Variants in KAT6A observed in about 807,000 individuals in gnomAD.
The protein encoded by KAT6A is lysine acetyltransferase 6A.
A neutral mutation model predicts 198.4 loss-of-function variants in KAT6A; 9 were observed. That is an observed-to-expected ratio of 0.05 (90% CI 0.03 to 0.08). The LOEUF (loss-of-function observed/expected upper bound fraction) is 0.08. Among genes scored for constraint, KAT6A ranks in the 10% least tolerant of loss-of-function variants. KAT6A has a pLI of 1.00. For synonymous variants in KAT6A, 890 were observed against 883.0 expected (o/e 1.01, Z -0.14); for missense variants, 2,077 against 2,509.9 (o/e 0.83, Z 3.69).
chr8:42,044,394 C>A (rs1370948056), intron 2 of KAT6A, among the ~76,000 whole-genome samples: 1 of 152,036 alleles, frequency 6.6e-6, no homozygotes, highest in African/African-American at 2.4e-5. Context: ...AGCCACCAGG[C>A]CTGGCCTAAA....
intron 2 of KAT6A, among the ~76,000 whole-genome samples, chr8:42,022,976 T>C (rs999447343): frequency 2.6e-5 from 4 of 152,184 alleles, no homozygotes; most frequent in African/African-American, 9.7e-5. Context: ...TGCAACATCA[T>C]AAAGTGTACT....
At chr8:42,018,365 G>A (rs1826367886) in intron 2 of KAT6A, among the ~76,000 whole-genome samples, 1 of 152,060 alleles carries the variant, frequency 6.6e-6, no homozygotes, top group Non-Finnish European at 1.5e-5. Context: ...ACAAAAATTA[G>A]CCAGGTGTGG....
chr8:41,986,760 G>C (rs575670091), intron 3 of KAT6A, among the ~76,000 whole-genome samples: 1 of 152,224 alleles, frequency 6.6e-6, no homozygotes, highest in South Asian at 2.1e-4. Context: ...ACATATGGCC[G>C]GGTGTGGTGG....
intron 14 of KAT6A, chr8:41,942,227 T>C (rs1419513013): frequency 4.6e-6 from 1 of 217,810 alleles, no homozygotes; most frequent in Middle Eastern, 1.4e-3. Flanking sequence ...ACAGGATGTT[T>C]TGGTGCCCCA....
Position 42,037,142 on chromosome 8 carries a change from C to G in KAT6A, c.600+11236G>C, listed in dbSNP as rs3739366. Among the ~76,000 whole-genome samples, 51 of 152,210 alleles carry G rather than the reference C, an allele frequency of 3.4e-4. 1 individual carries two copies. The East Asian group carries it at 9.6e-3, about 29-fold the overall frequency. On this transcript the variant is annotated intron_variant, in intron 2 of 16. Transcript: ENST00000265713. ...CTGAAACCTGGGCCTCACTACTAGT[C>G]AAATTTAATTAGTTTGGTATTTATT... is the stretch of plus-strand genomic sequence containing the variant.
Position 41,931,938 on chromosome 8 carries a change from T to C in KAT6A, c.*267A>G, listed in dbSNP as rs1376074681. 2.0e-5 allele frequency: 6 copies of C among 307,640 alleles called. No individual in the cohort carries two copies. Among genetic ancestry groups the C allele is most frequent in the Non-Finnish European group, 3.5e-5 (6 of 170,468 alleles). The allele number at this position is 307,640 out of a possible 1,614,324, so 19.1% of individuals were successfully genotyped here. A position where few individuals can be genotyped will look rare whatever the true frequency, so the allele number is the denominator to read the frequency against. On this transcript the variant is annotated 3_prime_UTR_variant, in exon 17 of 17. Coordinates refer to ENST00000265713, the MANE Select transcript of KAT6A (RefSeq NM_006766.5). ...TCTTTTTAATTATGAAAAGATTTTGTGCATGTTTCCCCATCCCCAAATCCA... is the reference window on the plus strand; with the variant it reads ...TCTTTTTAATTATGAAAAGATTTTGCGCATGTTTCCCCATCCCCAAATCCA...
intron 8 of KAT6A, among the ~76,000 whole-genome samples, chr8:41,959,025 G>A (rs186360678): frequency 6.6e-6 from 1 of 152,180 alleles, no homozygotes; most frequent in South Asian, 2.1e-4. Context: ...TGAGGAGCTT[G>A]GTGGCGGGCA....
chr8:41,930,690 G>GTA lies in KAT6A; in HGVS notation c.*1514_*1515insTA, dbSNP rs1821488046. ...AATATATATATATATATATGTGTGT[G>GTA]TGTGTGTGTGTGTGTGTGTGTATAT... On this transcript the variant is annotated 3_prime_UTR_variant, in exon 17 of 17. Coordinates refer to ENST00000265713, the MANE Select transcript of KAT6A (RefSeq NM_006766.5). 1.5e-5 allele frequency: 1 copy of GTA among 64,982 alleles called. No homozygotes were observed. Among genetic ancestry groups the GTA allele is most frequent in the Non-Finnish European group, 3.0e-5 (1 of 33,440 alleles). The allele number at this position is 64,982 out of a possible 1,614,324, so 4.0% of individuals were successfully genotyped here.
intron 3 of KAT6A, 138 bp from the exon 4 acceptor site, chr8:41,982,092 C>G (rs1054888412): frequency 3.5e-6 from 2 of 572,288 alleles, no homozygotes; most frequent in African/African-American, 3.7e-5. Context: ...CACCAGGAAG[C>G]CTGCCACACA....
At chr8:41,977,456 G>A (rs569787935) in intron 6 of KAT6A, 129 bp from the exon 7 acceptor site, 80 of 594,862 alleles carry the variant, frequency 1.3e-4, no homozygotes, top group African/African-American at 1.2e-3. Context: ...AGAATATTCT[G>A]CAAACTATAA....
chr8:42,040,486 C>A (rs1475979271), intron 2 of KAT6A, among the ~76,000 whole-genome samples: 1 of 152,014 alleles, frequency 6.6e-6, no homozygotes, highest in Non-Finnish European at 1.5e-5. Context: ...GTAATCCCAG[C>A]ACTTTGGGAG....
chr8:41,971,326 C>T (rs1399046606), intron 8 of KAT6A, among the ~76,000 whole-genome samples: 1 of 151,480 alleles, frequency 6.6e-6, no homozygotes, highest in Non-Finnish European at 1.5e-5. Flanking sequence ...GCAGAAAAAG[C>T]AGGCAGGTCA....
intron 8 of KAT6A, among the ~76,000 whole-genome samples, chr8:41,970,414 C>G (rs1417031590): frequency 6.6e-6 from 1 of 152,182 alleles, no homozygotes; most frequent in Non-Finnish European, 1.5e-5. Flanking sequence ...CGAGCCTCAG[C>G]AGGGCTCAGC....
intron 2 of KAT6A, among the ~76,000 whole-genome samples, chr8:41,995,443 T>C (rs1473239690): frequency 6.6e-6 from 1 of 152,152 alleles, no homozygotes; most frequent in African/African-American, 2.4e-5. Flanking sequence ...AATCACCAGA[T>C]GGCAGTATTG....
intron 2 of KAT6A, among the ~76,000 whole-genome samples, chr8:42,004,563 T>C (rs1034845476): frequency 1.3e-5 from 2 of 152,188 alleles, no homozygotes; most frequent in African/African-American, 4.8e-5. Flanking sequence ...CCTTCTTTAA[T>C]TCAATAGACT....
rs1355963913 is a variant in KAT6A, at chr8:41,964,419, C to G, written c.1483-9008G>C. Among the ~76,000 whole-genome samples, 6 of 152,030 alleles carry G rather than the reference C, an allele frequency of 3.9e-5. No homozygotes were observed. The South Asian group carries it at 1.2e-3, about 32-fold the overall frequency. Reference sequence around the variant, plus strand: ...CACTGGGAATACACCTTTCCAAAACCTACAGTGAATACCTGAAAACTGCAG... The same window carrying G: ...CACTGGGAATACACCTTTCCAAAACGTACAGTGAATACCTGAAAACTGCAG... On this transcript the variant is annotated intron_variant, in intron 8 of 16. Transcript: ENST00000265713.
In KAT6A at chr8:42,023,778, C is replaced by T. The variant is rs563799173; in HGVS notation, c.600+24600G>A. Among the ~76,000 whole-genome samples the T allele has an allele frequency of 1.3e-4, 19 of 151,448 alleles. No individual in the cohort carries two copies. In the South Asian group the frequency reaches 3.8e-3, roughly 30 times the overall value. On this transcript the variant is annotated intron_variant, in intron 2 of 16. Transcript: ENST00000265713. Reference sequence around the variant, plus strand: ...CTGCGACTACAGGTGTGAGCCACCACGCCCAGCCTACTTACTTTATATCCT... The same window carrying T: ...CTGCGACTACAGGTGTGAGCCACCATGCCCAGCCTACTTACTTTATATCCT...
intron 3 of KAT6A, among the ~76,000 whole-genome samples, chr8:41,983,869 C>A (rs764800034): frequency 3.9e-5 from 6 of 152,224 alleles, no homozygotes; most frequent in Non-Finnish European, 7.3e-5. Context: ...GTTCCTATTA[C>A]TACTTGAGTA....
intron 8 of KAT6A, among the ~76,000 whole-genome samples, chr8:41,965,744 G>A (rs1823445319): frequency 6.6e-6 from 1 of 152,162 alleles, no homozygotes; most frequent in African/African-American, 2.4e-5. Context: ...TGAATTACTA[G>A]TATTAAGCTG....
Sources: gnomAD v4.1 joint callset for allele counts (sites outside exome capture counted in the v4.1 genomes callset) on GRCh38, gnomAD v4.1.1 for gene constraint, MANE v1.5 for transcripts, NCBI Gene and HGNC (gene_info 2026-07-23, HGNC 2026-07-21) for gene names.